Variants in COG6 observed in about 807,000 individuals in gnomAD.
COG6 encodes the protein conserved oligomeric Golgi complex subunit 6.
In COG6, 74 loss-of-function variants were observed where a neutral mutation model predicts 88.8. The ratio of observed to expected loss-of-function variants is 0.83; its 90% CI spans 0.69 to 1.01. The LOEUF is 1.01. Among genes scored for constraint, COG6 ranks in the 50% least tolerant of loss-of-function variants. The pLI, the probability that COG6 is intolerant of heterozygous loss-of-function variation, is 0.00. For synonymous variants in COG6, 286 were observed against 278.7 expected (o/e 1.03, Z -0.26); for missense variants, 800 against 797.9 (o/e 1.00, Z -0.03).
At chr13:39,730,110 A>G (rs1437928348) in intron 18 of COG6, among the ~76,000 whole-genome samples, 1 of 152,178 alleles carries the variant, frequency 6.6e-6, no homozygotes, top group Non-Finnish European at 1.5e-5. Flanking sequence ...AGACAAATGA[A>G]CAAGTTTTGG....
At chr13:39,709,013 A>G (rs1049664902) in intron 13 of COG6, among the ~76,000 whole-genome samples, 7 of 152,138 alleles carry the variant, frequency 4.6e-5, no homozygotes, top group African/African-American at 1.7e-4. Context: ...AAGGCAATAT[A>G]TGGCTCAAGG....
chr13:39,760,479 A>G lies in COG6; in HGVS notation c.1827-27856A>G, dbSNP rs149594148. The stretch of plus-strand genomic sequence containing the variant: ...GCCAAAAAGGTGCTGCTAAAAAAGA[A>G]AATAAACCACAAAAACAGAAAGAAC... On this transcript the variant is annotated intron_variant, in intron 18 of 18. Transcript: ENST00000416691. 8.6e-4 allele frequency among the ~76,000 whole-genome samples: 131 copies of G among 152,318 alleles called. 1 individual carries two copies. In the Middle Eastern group the frequency reaches 0.024, roughly 28 times the overall value.
At chr13:39,662,027 CAT>C (rs1246589785) in intron 3 of COG6, among the ~76,000 whole-genome samples, 4 of 151,324 alleles carry the variant, frequency 2.6e-5, no homozygotes, top group African/African-American at 9.7e-5. Context: ...TACTTTTCAT[CAT>C]AGAGAGATTT....
At chr13:39,740,665 T>C (rs1879996668) in intron 18 of COG6, among the ~76,000 whole-genome samples, 1 of 152,172 alleles carries the variant, frequency 6.6e-6, no homozygotes, top group Non-Finnish European at 1.5e-5. Flanking sequence ...AGATGACACT[T>C]ATCTGAAATA....
chr13:39,689,806 T>C lies in COG6; in HGVS notation c.1056T>C (p.Gly352=), dbSNP rs1274954067. 6.2e-7 allele frequency: 1 copy of C among 1,609,716 alleles called. No homozygotes were observed. The highest frequency in any genetic ancestry group is 8.5e-7 in the Non-Finnish European group (1 of 1,177,094). ...AAGTTGTTGGGCATATCACTGAAGG[T>C]GTGTGCAGGCCTCTAAAGGTAAAAT... ...IQEVVGHITE[G]VCRPLKVRIE... The change falls in exon 11 of 19, where the codon GGT becomes GGC. Residue 352 remains glycine (G), a synonymous_variant. Transcript: ENST00000455146.
chr13:39,657,741 TG>T (rs1246010369), intron 1 of COG6, among the ~76,000 whole-genome samples: 1 of 152,184 alleles, frequency 6.6e-6, no homozygotes, highest in Non-Finnish European at 1.5e-5. Context: ...TAGTGTACAA[TG>T]GGGATGTCCT....
chr13:39,673,733 A>G (rs1393972084), intron 4 of COG6, among the ~76,000 whole-genome samples: 1 of 151,762 alleles, frequency 6.6e-6, no homozygotes, highest in Non-Finnish European at 1.5e-5. Context: ...AACTAAAATC[A>G]TATATAACTC....
chr13:39,788,679 T>C, exon 19 of COG6: 3 of 301,914 alleles, frequency 9.9e-6, no homozygotes, highest in Non-Finnish European at 1.8e-5. Context: ...ACCAATTGTG[T>C]TGGCTATTAT....
chr13:39,678,054 C>T (rs1369129796), intron 5 of COG6: 1 of 449,216 alleles, frequency 2.2e-6, no homozygotes, highest in Non-Finnish European at 4.4e-6. Context: ...ACAGTTAGAC[C>T]ACATTTTCTA....
chr13:39,675,511 T>C (rs1875915165), intron 4 of COG6, among the ~76,000 whole-genome samples: 1 of 152,180 alleles, frequency 6.6e-6, no homozygotes, highest in African/African-American at 2.4e-5. Context: ...TATATTAAAC[T>C]CTTGTTTTAG....
intron 18 of COG6, among the ~76,000 whole-genome samples, chr13:39,779,706 G>A (rs138771527): frequency 6.8e-4 from 103 of 152,208 alleles, no homozygotes; most frequent in African/African-American, 2.2e-3. Context: ...TTCATTGAAC[G>A]AAGACCTCTC....
In COG6 at chr13:39,719,783, C is replaced by G. The variant is rs151176637; in HGVS notation, c.1540C>G (p.Leu514Val). 6 of 1,612,556 alleles carry G rather than the reference C, an allele frequency of 3.7e-6. No individual in the cohort carries two copies. The highest frequency in any genetic ancestry group is 1.3e-5 in the African/African-American group (1 of 74,816). Residue 514 changes from leucine to valine, a missense_variant, in exon 15 of 19, where the codon CTA becomes GTA. Leu to Val is a conservative substitution (Grantham distance 32). Transcript: ENST00000455146. ...SLYMMKTTLA[L>V]FEFTDRRLEM... ...ATATATGATGAAGACAACATTAGCT[C>G]TATTTGAATTCACTGACAGACGTCT...
chr13:39,675,443 A>G (rs1363558915), intron 4 of COG6, among the ~76,000 whole-genome samples: 1 of 152,202 alleles, frequency 6.6e-6, no homozygotes, highest in Admixed American at 6.5e-5. Context: ...CTAGAGTAAT[A>G]TGATAATAAA....
chr13:39,761,754 C>T (rs1881022095), intron 18 of COG6, among the ~76,000 whole-genome samples: 1 of 150,740 alleles, frequency 6.6e-6, no homozygotes, highest in African/African-American at 2.4e-5. Flanking sequence ...ACGCAAGTGG[C>T]CAACAGGTAT....
chr13:39,665,243 C>G (rs1254729566), intron 4 of COG6, 89 bp downstream of exon 4: 2 of 750,452 alleles, frequency 2.7e-6, no homozygotes, highest in African/African-American at 3.5e-5. Context: ...AGAATTAAAG[C>G]AGAATAATAA....
rs1488464762 is a variant in COG6, at chr13:39,682,174, A to G, written c.698A>G (p.Glu233Gly). 3 of 1,604,502 alleles carry G rather than the reference A, an allele frequency of 1.9e-6. No homozygotes were observed. The highest frequency in any genetic ancestry group is 2.6e-6 in the Non-Finnish European group (3 of 1,171,374). The change falls in exon 8 of 19, where the codon GAA (glutamate) becomes GGA (glycine). Residue 233 changes from glutamate to glycine, a missense_variant. Transcript: ENST00000455146. Reference protein sequence around the residue: ...YERLYRWAQSECRTLTQESCD... With the variant: ...YERLYRWAQSGCRTLTQESCD... ...TATAATGTTAATTATTTTTCAGGTGAATGCAGAACATTGACACAAGAATCA... is the reference window on the plus strand; with the variant it reads ...TATAATGTTAATTATTTTTCAGGTGGATGCAGAACATTGACACAAGAATCA...
chr13:39,728,536 T>C (rs528824847), intron 18 of COG6, among the ~76,000 whole-genome samples: 151 of 151,678 alleles, frequency 1.0e-3, no homozygotes, highest in African/African-American at 3.2e-3. Context: ...CTAGAGTAAA[T>C]GAATTTAATT....
At chr13:39,777,654 C>A (rs1005874310) in intron 18 of COG6, among the ~76,000 whole-genome samples, 10 of 152,162 alleles carry the variant, frequency 6.6e-5, no homozygotes, top group Non-Finnish European at 2.9e-5. Flanking sequence ...ACCAGTGTTG[C>A]AATCGCAGAG....
chr13:39,719,993 CA>C (rs1048273553), intron 15 of COG6, among the ~76,000 whole-genome samples, 166 bp downstream of exon 15: 1 of 57,850 alleles, frequency 1.7e-5, no homozygotes, highest in Non-Finnish European at 3.3e-5. Context: ...CGCACATACA[CA>C]ACACACACAC....
Sources: allele counts gnomAD v4.1 joint callset (sites outside exome capture counted in the v4.1 genomes callset), GRCh38; gene constraint gnomAD v4.1.1; transcripts MANE v1.5; gene names NCBI Gene and HGNC (gene_info 2026-07-23, HGNC 2026-07-21).